Variants in SYNE2 observed in about 807,000 individuals in gnomAD.
The protein encoded by SYNE2 is nesprin-2.
Under a neutral mutation model 856.3 loss-of-function variants are expected in SYNE2, and 431 were observed. The observed-to-expected ratio is 0.50, with a 90% CI of 0.47 to 0.55. The LOEUF is 0.55. SYNE2 is among the 20% of genes least tolerant of loss of function. The pLI is 0.00. For synonymous variants in SYNE2, 2,923 were observed against 2,872.3 expected (o/e 1.02, Z -0.56); for missense variants, 8,129 against 8,023.2 (o/e 1.01, Z -0.50).
intron 105 of SYNE2, among the ~76,000 whole-genome samples, chr14:64,213,563 C>T (rs562129583): frequency 6.6e-6 from 1 of 152,282 alleles, no homozygotes; most frequent in South Asian, 2.1e-4. Context: ...TGAATGACAA[C>T]CATTGACCGA....
At chr14:63,898,760 TG>T (rs1326910259) in intron 1 of SYNE2, among the ~76,000 whole-genome samples, 1 of 152,214 alleles carries the variant, frequency 6.6e-6, no homozygotes, top group African/African-American at 2.4e-5. Flanking sequence ...TTTTGAGCTT[TG>T]TGTGTGAGGA....
intron 2 of SYNE2, among the ~76,000 whole-genome samples, chr14:63,920,644 G>T (rs2095588536): frequency 6.6e-6 from 1 of 151,450 alleles, no homozygotes; most frequent in Non-Finnish European, 1.5e-5. Context: ...GAGGGTGGAG[G>T]CAGAAAGACC....
In SYNE2 at chr14:63,990,391, A is replaced by G. The variant is rs17101523; in HGVS notation, c.2314-20A>G. On this transcript the variant is annotated intron_variant, in intron 19 of 115. Coordinates refer to ENST00000555002, the MANE Select transcript of SYNE2 (RefSeq NM_182914.3). ...TAATCAGAATGTTTATTGTGATCTC[A>G]CTTCAATTTGTTTTAATAGCATCTT... 12,376 of 1,609,738 alleles carry G rather than the reference A, an allele frequency of 7.7e-3. 837 individuals carry two copies. In the African/African-American group the frequency reaches 0.14, roughly 19 times the overall value.
chr14:64,224,620 G>C (rs746588574), intron 114 of SYNE2, 73 bp downstream of exon 114: 1 of 1,551,960 alleles, frequency 6.4e-7, no homozygotes, highest in African/African-American at 1.4e-5. Context: ...GGAAGCTTGG[G>C]ATTCCAAGAG....
At chr14:63,893,963 C>T (rs905486846) in intron 1 of SYNE2, among the ~76,000 whole-genome samples, 25 of 152,146 alleles carry the variant, frequency 1.6e-4, no homozygotes, top group Middle Eastern at 3.2e-3. Flanking sequence ...TGAGATTATT[C>T]CTGGAGTAGG....
rs1203582094 is a variant in SYNE2, at chr14:64,070,897, G to A, written c.10684G>A (p.Glu3562Lys). 1.9e-6 allele frequency: 3 copies of A among 1,614,038 alleles called. No homozygotes were observed. Among genetic ancestry groups the A allele is most frequent in the Non-Finnish European group, 1.7e-6 (2 of 1,179,998 alleles). The change falls in exon 52 of 116, where the codon GAA (glutamate) becomes AAA (lysine). Residue 3562 changes from glutamate to lysine, a missense_variant. Physicochemically the swap from Glu to Lys is moderately conservative, Grantham distance 56 (BLOSUM62 1). Around this residue, in one of 3 missense-constraint regions of SYNE2, gnomAD observed 5,410 missense variants for 5,284.8 expected, o/e 1.02. Coordinates refer to ENST00000555002, the MANE Select transcript of SYNE2 (RefSeq NM_182914.3). ...PAFQEITSMK[E>K]RCNKLLQKVQ... ...ATTTCAAGAAATTACTTCTATGAAA[G>A]AACGATGCAACAAGTAAGATTTATG...
At chr14:63,985,083 A>G (rs1214864701) in intron 18 of SYNE2, among the ~76,000 whole-genome samples, 2 of 152,220 alleles carry the variant, frequency 1.3e-5, no homozygotes, top group Non-Finnish European at 2.9e-5. Context: ...TCATGCCAGC[A>G]CTTTGGAAGG....
chr14:64,062,681 C>T, intron 49 of SYNE2, 70 bp from the exon 50 acceptor site: 1 of 1,394,576 alleles, frequency 7.2e-7, no homozygotes, highest in Admixed American at 1.8e-5. Context: ...AATATTTATT[C>T]TGGGAAATTT....
rs886050602 is a variant in SYNE2, at chr14:64,225,671, C to A, written c.*145C>A. 6 of 896,666 alleles carry A rather than the reference C, an allele frequency of 6.7e-6. No individual in the cohort carries two copies. The East Asian group carries it at 1.3e-4, about 20-fold the overall frequency. 55.5% of individuals were successfully genotyped at this position (896,666 alleles called of 1,614,324 possible). A position where few individuals can be genotyped will look rare whatever the true frequency, so the allele number is the denominator to read the frequency against. On this transcript the variant is annotated 3_prime_UTR_variant, in exon 116 of 116. Transcript: ENST00000555002. The stretch of plus-strand genomic sequence containing the variant: ...CTTCTGGGCTTACCCAGCACGGGCT[C>A]CCTGGAGCCCAGGGCAGCTTTCAGA...
At chr14:64,001,426 C>T (rs2096754083) in intron 28 of SYNE2, among the ~76,000 whole-genome samples, 1 of 152,126 alleles carries the variant, frequency 6.6e-6, no homozygotes, top group African/African-American at 2.4e-5. Context: ...GGCTCCTGCC[C>T]ATAATCCCAG....
At chr14:64,216,539 G>C in intron 108 of SYNE2, 152 bp downstream of exon 108, 2 of 887,724 alleles carry the variant, frequency 2.3e-6, no homozygotes, top group Non-Finnish European at 3.7e-6. Flanking sequence ...CTGTTGAGCT[G>C]TCCATACTTC....
chr14:64,003,945 CCAAAAGCTAAAATGTTAG>C (rs1340945936), intron 30 of SYNE2, among the ~76,000 whole-genome samples: 6 of 152,148 alleles, frequency 3.9e-5, no homozygotes, highest in Non-Finnish European at 8.8e-5. Flanking sequence ...CCTTCAGATT[CCAAAAGCTAAAATGTTAG>C]CAACAGTCGC....
intron 1 of SYNE2, among the ~76,000 whole-genome samples, chr14:63,799,640 C>T (rs367652517): frequency 2.1e-4 from 32 of 152,212 alleles, no homozygotes; most frequent in African/African-American, 7.2e-4. Flanking sequence ...GGAGGCAGAG[C>T]TGGCAGTGAG....
intron 1 of SYNE2, among the ~76,000 whole-genome samples, chr14:63,859,544 C>A (rs542370760): frequency 2.0e-5 from 3 of 152,152 alleles, no homozygotes; most frequent in Non-Finnish European, 4.4e-5. Context: ...ATTGGCTGGG[C>A]GTGGTGGCTC....
At chr14:63,904,917 T>C (rs369970375) in intron 1 of SYNE2, among the ~76,000 whole-genome samples, 26 of 152,294 alleles carry the variant, frequency 1.7e-4, no homozygotes, top group African/African-American at 5.3e-4. Flanking sequence ...TAGGTTTTCT[T>C]CCAGGATTTT....
intron 74 of SYNE2, among the ~76,000 whole-genome samples, chr14:64,128,782 T>G (rs2097977699): frequency 6.6e-6 from 1 of 152,208 alleles, no homozygotes; most frequent in Non-Finnish European, 1.5e-5. Context: ...TGACAAAATG[T>G]GTATGTCCAG....
chr14:64,174,850 A>C, intron 94 of SYNE2, 94 bp from the exon 95 acceptor site: 1 of 1,197,938 alleles, frequency 8.3e-7, no homozygotes, highest in Middle Eastern at 2.7e-4. Context: ...TTTAACTCTT[A>C]AGAAAAGCTC....
chr14:63,929,639 T>C (rs960956454), intron 2 of SYNE2, among the ~76,000 whole-genome samples: 2 of 151,106 alleles, frequency 1.3e-5, no homozygotes, highest in African/African-American at 2.4e-5. Flanking sequence ...GGCGTGGGGG[T>C]GGGCGCCTGT....
At chr14:64,040,489 A>G (rs1449626843) in intron 45 of SYNE2, among the ~76,000 whole-genome samples, 2 of 151,688 alleles carry the variant, frequency 1.3e-5, no homozygotes, top group Non-Finnish European at 1.5e-5. Flanking sequence ...TAAGCAGCAA[A>G]TTTGACATAG....
Sources: gnomAD v4.1 joint callset for allele counts (sites outside exome capture counted in the v4.1 genomes callset) on GRCh38, gnomAD v4.1.1 for gene constraint, gnomAD v4.1.1 regional missense constraint, MANE v1.5 for transcripts, NCBI Gene and HGNC (gene_info 2026-07-23, HGNC 2026-07-21) for gene names.